SEMA6D: variants seen among roughly 807,000 people sequenced by gnomAD.
SEMA6D encodes semaphorin 6D, also known as semaphorin-6D.
A neutral mutation model predicts 106.6 loss-of-function variants in SEMA6D; 35 were observed. The observed-to-expected ratio is 0.33, with a 90% CI of 0.25 to 0.44. SEMA6D has a LOEUF of 0.44. Among genes scored for constraint, SEMA6D ranks in the 20% least tolerant of loss-of-function variants. SEMA6D has a pLI of 1.00. For missense variants in SEMA6D, 1,185 were observed against 1,345.9 expected, an observed-to-expected ratio of 0.88 and a Z score of 1.87; for synonymous variants, 499 against 487.7, an observed-to-expected ratio of 1.02 and a Z score of -0.31.
chr15:47,623,650 C>T (rs893166093), intron 4 of SEMA6D, among the ~76,000 whole-genome samples: 1 of 152,106 alleles, frequency 6.6e-6, no homozygotes, highest in Non-Finnish European at 1.5e-5. Context: ...AGAATGGTAG[C>T]CATGACAGAC....
At chr15:47,724,715 G>A (rs2079629359) in intron 1 of SEMA6D, among the ~76,000 whole-genome samples, 1 of 152,224 alleles carries the variant, frequency 6.6e-6, no homozygotes, top group African/African-American at 2.4e-5. Context: ...TAATTCAGGT[G>A]TGAAGAGGCA....
chr15:47,245,966 A>G (rs1031106863), intron 1 of SEMA6D, among the ~76,000 whole-genome samples: 2 of 152,178 alleles, frequency 1.3e-5, no homozygotes, highest in Non-Finnish European at 2.9e-5. Context: ...TGGAAAAGTC[A>G]TAAGACTCTG....
chr15:47,223,515 T>A (rs538754822), intron 1 of SEMA6D, among the ~76,000 whole-genome samples: 1 of 152,194 alleles, frequency 6.6e-6, no homozygotes, highest in African/African-American at 2.4e-5. Flanking sequence ...TTCTTTTTTT[T>A]ATTGAAGTCA....
At chr15:47,632,953 C>G (rs1287627845) in intron 4 of SEMA6D, among the ~76,000 whole-genome samples, 1 of 151,972 alleles carries the variant, frequency 6.6e-6, no homozygotes, top group Non-Finnish European at 1.5e-5. Flanking sequence ...AAGTATTATA[C>G]TACACATATA....
At chr15:47,229,285 A>G (rs2032023433) in intron 1 of SEMA6D, among the ~76,000 whole-genome samples, 1 of 151,896 alleles carries the variant, frequency 6.6e-6, no homozygotes, top group Admixed American at 6.6e-5. Context: ...TTTGTTTTCT[A>G]ATTAAAAACA....
chr15:47,588,534 G>A (rs150444754), intron 3 of SEMA6D, among the ~76,000 whole-genome samples: 54 of 152,226 alleles, frequency 3.5e-4, no homozygotes, highest in South Asian at 1.7e-3. Context: ...TTTTGAGTTA[G>A]CATAAGAACT....
intron 7 of SEMA6D, 74 bp from the exon 8 acceptor site, chr15:47,762,126 A>G (rs1316587804): frequency 1.6e-5 from 26 of 1,576,414 alleles, no homozygotes; most frequent in Middle Eastern, 3.4e-4. Context: ...TCCAAAGGGC[A>G]TAACACGCTG....
At chr15:47,657,719 C>CTTTT (rs71118191) in intron 4 of SEMA6D, among the ~76,000 whole-genome samples, 676 of 54,674 alleles carry the variant, frequency 0.012, 207 homozygotes, top group Non-Finnish European at 0.017. Flanking sequence ...GGCTTCATTT[C>CTTTT]TTTTTTTTTT....
At chr15:47,764,853 C>A (rs1194023573) in intron 12 of SEMA6D, 30 bp from the exon 13 acceptor site, 1 of 1,613,454 alleles carries the variant, frequency 6.2e-7, no homozygotes, top group Non-Finnish European at 8.5e-7. Context: ...GTTGGCCTCC[C>A]CTTCTGATCT....
intron 4 of SEMA6D, among the ~76,000 whole-genome samples, chr15:47,669,319 A>G (rs2078094790): frequency 1.3e-5 from 2 of 152,206 alleles, no homozygotes; most frequent in Admixed American, 6.5e-5. Context: ...GGAGTTGTTT[A>G]TAAGTCTGTA....
intron 2 of SEMA6D, among the ~76,000 whole-genome samples, chr15:47,436,758 T>TAA (rs67662241): frequency 5.7e-4 from 73 of 127,458 alleles, no homozygotes; most frequent in Middle Eastern, 3.8e-3. Flanking sequence ...CTATCTCTAT[T>TAA]AAAAAAAAAA....
At chr15:47,682,322 C>T (rs1285569990) in intron 4 of SEMA6D, among the ~76,000 whole-genome samples, 2 of 152,130 alleles carry the variant, frequency 1.3e-5, no homozygotes, top group African/African-American at 2.4e-5. Flanking sequence ...TGCCCGCCAC[C>T]GCGCCTGGCT....
intron 1 of SEMA6D, among the ~76,000 whole-genome samples, chr15:47,358,567 A>C (rs2038681810): frequency 1.3e-5 from 2 of 152,166 alleles, no homozygotes; most frequent in African/African-American, 4.8e-5. Flanking sequence ...TTACCCTCCA[A>C]AATCATCCTT....
intron 1 of SEMA6D, among the ~76,000 whole-genome samples, chr15:47,729,558 C>T (rs2079983688): frequency 6.6e-6 from 1 of 152,174 alleles, no homozygotes; most frequent in Non-Finnish European, 1.5e-5. Flanking sequence ...GGCACTGCCC[C>T]TTGGCAGATT....
At chr15:47,766,453 C>A in intron 15 of SEMA6D, 163 bp from the exon 16 acceptor site, 1 of 679,382 alleles carries the variant, frequency 1.5e-6, no homozygotes, top group Non-Finnish European at 2.5e-6. Context: ...CAGTTTTTAA[C>A]AGAAATAGTC....
intron 3 of SEMA6D, among the ~76,000 whole-genome samples, chr15:47,497,935 A>G (rs1206231615): frequency 1.3e-5 from 2 of 152,128 alleles, no homozygotes; most frequent in African/African-American, 4.8e-5. Flanking sequence ...CAAACACTAC[A>G]TCAGGACCTC....
chr15:47,698,902 G>C (rs2078754233), intron 4 of SEMA6D, among the ~76,000 whole-genome samples: 1 of 152,096 alleles, frequency 6.6e-6, no homozygotes, highest in South Asian at 2.1e-4. Flanking sequence ...TCCAGCCGCT[G>C]TCATAACCTA....
intron 1 of SEMA6D, among the ~76,000 whole-genome samples, chr15:47,309,049 TATA>T (rs1411468539): frequency 6.6e-6 from 1 of 152,172 alleles, no homozygotes; most frequent in Non-Finnish European, 1.5e-5. Context: ...GAGATGTGCT[TATA>T]ATTAGAAAGT....
intron 2 of SEMA6D, among the ~76,000 whole-genome samples, chr15:47,417,539 T>C (rs766433790): frequency 3.5e-5 from 5 of 141,868 alleles, no homozygotes; most frequent in Non-Finnish European, 6.1e-5. Flanking sequence ...TTACCAAATA[T>C]CTATTGTTTA....
Sources: gnomAD v4.1 joint callset for allele counts (sites outside exome capture counted in the v4.1 genomes callset) on GRCh38, gnomAD v4.1.1 for gene constraint, MANE v1.5 for transcripts, NCBI Gene and HGNC (gene_info 2026-07-23, HGNC 2026-07-21) for gene names.